The following TRPM3 variants were observed in gnomAD, a reference collection of about 807,000 sequenced individuals.
The protein encoded by TRPM3 is transient receptor potential cation channel subfamily M member 3.
TRPM3 carries 77 observed loss-of-function variants against 181.2 expected under a neutral mutation model. That is an observed-to-expected ratio of 0.42 (90% CI 0.35 to 0.51). The LOEUF is 0.51. TRPM3 is among the 20% of genes least tolerant of loss of function. The probability of loss-of-function intolerance (pLI) is 0.01; values close to 1 mark genes in which losing one functional copy is unlikely to be tolerated. For missense variants in TRPM3, 1,759 were observed against 2,196.7 expected, an observed-to-expected ratio of 0.80 and a Z score of 3.98; for synonymous variants, 745 against 796.4, an observed-to-expected ratio of 0.94 and a Z score of 1.09.
chr9:71,017,392 G>A (rs2134450723), intron 1 of TRPM3, among the ~76,000 whole-genome samples: 1 of 151,886 alleles, frequency 6.6e-6, no homozygotes, highest in African/African-American at 2.4e-5. Context: ...ACCAATATTG[G>A]CATGATGGAT....
At chr9:71,368,421 C>A (rs1446634099) in intron 1 of TRPM3, among the ~76,000 whole-genome samples, 6 of 152,224 alleles carry the variant, frequency 3.9e-5, no homozygotes, top group Admixed American at 1.3e-4. Flanking sequence ...TATCTCAAGG[C>A]CTCAAGGGAG....
intron 1 of TRPM3, among the ~76,000 whole-genome samples, chr9:71,387,540 A>T (rs1244066845): frequency 2.0e-5 from 3 of 152,204 alleles, no homozygotes; most frequent in Non-Finnish European, 1.5e-5. Context: ...CTTCATGAAA[A>T]GGAATGTTAA....
chr9:71,133,797 C>T (rs1029201739), intron 1 of TRPM3, among the ~76,000 whole-genome samples: 2 of 152,148 alleles, frequency 1.3e-5, no homozygotes, highest in African/African-American at 4.8e-5. Flanking sequence ...CTTTATAGCA[C>T]ACACAGCAGA....
intron 6 of TRPM3, chr9:70,826,582 G>C (rs1265841262): frequency 6.6e-6 from 1 of 152,236 alleles, no homozygotes; most frequent in Non-Finnish European, 1.5e-5. Context: ...GGAAGGAGAA[G>C]CTGTGGTCTG....
intron 21 of TRPM3, among the ~76,000 whole-genome samples, chr9:70,592,369 C>T (rs1176915541): frequency 1.3e-5 from 2 of 152,196 alleles, no homozygotes; most frequent in Non-Finnish European, 2.9e-5. Flanking sequence ...CCTTGTGTCT[C>T]TGTAATGGGG....
intron 1 of TRPM3, among the ~76,000 whole-genome samples, chr9:71,201,308 T>G (rs13292549): frequency 0.28 from 41,991 of 151,844 alleles, 6,171 homozygotes; most frequent in Admixed American, 0.36. Context: ...CCCTTAACAT[T>G]TTTTCCTTCA....
At chr9:71,170,767 T>C (rs559655461) in intron 1 of TRPM3, among the ~76,000 whole-genome samples, 58 of 152,256 alleles carry the variant, frequency 3.8e-4, no homozygotes, top group Admixed American at 1.3e-3. Flanking sequence ...CCTGTAATAA[T>C]TGCATTAACT....
rs764869085 is a variant in TRPM3, at chr9:70,603,386, C to T, written c.2752G>A (p.Val918Ile). ...CCCAGGGTGAAAATATAGGAGATTA[C>T]GATCCATTCCTGGGTGGACGGCCAG... ...ERWPSTQEWI[V>I]ISYIFTLGIE... The change falls in exon 20 of 26, where the codon GTA becomes ATA. Residue 918 changes from valine (V) to isoleucine (I), a missense_variant. Val to Ile is a conservative substitution (Grantham distance 29, BLOSUM62 3). This residue lies in a region of TRPM3 where 100 missense variants were observed against 123.0 expected (regional missense o/e 0.81). Transcript: ENST00000677713. 5.3e-5 allele frequency: 85 copies of T among 1,613,884 alleles called. No individual in the cohort carries two copies. Among genetic ancestry groups the T allele is most frequent in the South Asian group, 3.6e-4 (33 of 91,054 alleles).
chr9:70,912,245 G>A (rs570800084), intron 1 of TRPM3, among the ~76,000 whole-genome samples: 12 of 152,246 alleles, frequency 7.9e-5, no homozygotes, highest in South Asian at 2.1e-4. Context: ...TAGTGTTCCA[G>A]GCACTTTATA....
At chr9:71,068,347 A>G (rs1228827756) in intron 1 of TRPM3, among the ~76,000 whole-genome samples, 1 of 152,214 alleles carries the variant, frequency 6.6e-6, no homozygotes, top group Non-Finnish European at 1.5e-5. Flanking sequence ...CAAAGGAACA[A>G]GAGATACTCT....
At chr9:71,117,907 C>T (rs190114357) in intron 1 of TRPM3, among the ~76,000 whole-genome samples, 2 of 152,268 alleles carry the variant, frequency 1.3e-5, no homozygotes, top group Admixed American at 1.3e-4. Flanking sequence ...GACTTCAATA[C>T]ACAGAAAGCT....
intron 1 of TRPM3, among the ~76,000 whole-genome samples, chr9:71,099,690 T>G (rs949537950): frequency 2.0e-5 from 3 of 152,210 alleles, no homozygotes; most frequent in African/African-American, 7.2e-5. Context: ...ATACAACTTA[T>G]GCTCAACCTG....
rs190128409 is a variant in TRPM3, at chr9:71,036,347, A to C, written c.177+84831T>G. On this transcript the variant is annotated intron_variant, in intron 1 of 25. Transcript: ENST00000677713. ...TGCAGCATGAACCTCCAGGTCACCT[A>C]TGTCTGTAAATTCTGCCTCTTCAAT... 8.5e-5 allele frequency among the ~76,000 whole-genome samples: 13 copies of C among 152,294 alleles called. No homozygotes were observed. The East Asian group carries it at 2.5e-3, about 29-fold the overall frequency.
intron 1 of TRPM3, among the ~76,000 whole-genome samples, chr9:71,240,542 A>G (rs780631905): frequency 1.3e-5 from 2 of 152,336 alleles, no homozygotes; most frequent in South Asian, 2.1e-4. Context: ...ATCCAAGTCT[A>G]TATTAACTCT....
chr9:70,995,098 C>CTG lies in TRPM3; in HGVS notation c.177+126078_177+126079dup, dbSNP rs200104541. ...CCGTGTCTTCTCTCTCTGGGTGTGT[C>CTG]TGTGTGTGTGTGTGTGCATGTAATC... On this transcript the variant is annotated intron_variant, in intron 1 of 25. Transcript: ENST00000677713. Among the ~76,000 whole-genome samples, 946 of 151,126 alleles carry CTG rather than the reference C, an allele frequency of 6.3e-3. 18 individuals are homozygous for CTG. In the East Asian group the frequency reaches 0.078, roughly 12 times the overall value.
chr9:70,564,747 T>C (rs2050107985), intron 22 of TRPM3, among the ~76,000 whole-genome samples: 2 of 152,192 alleles, frequency 1.3e-5, no homozygotes, highest in Admixed American at 1.3e-4. Flanking sequence ...AAATAATCTA[T>C]GGCTCTTGTC....
intron 1 of TRPM3, among the ~76,000 whole-genome samples, chr9:71,411,327 A>G (rs957571559): frequency 3.9e-5 from 6 of 152,244 alleles, no homozygotes; most frequent in Admixed American, 1.3e-4. Flanking sequence ...CTGTTTGCAG[A>G]TGACATGATT....
intron 1 of TRPM3, among the ~76,000 whole-genome samples, chr9:71,049,220 G>A (rs937656735): frequency 2.6e-5 from 4 of 151,830 alleles, no homozygotes; most frequent in South Asian, 2.1e-4. Context: ...GGCACAACCC[G>A]ACTCCCTCAC....
At chr9:71,103,147 A>G (rs931049410) in intron 1 of TRPM3, among the ~76,000 whole-genome samples, 15 of 152,224 alleles carry the variant, frequency 9.9e-5, no homozygotes, top group African/African-American at 3.6e-4. Flanking sequence ...GTCATTTTAA[A>G]AGGCCCATCC....
Sources: allele counts gnomAD v4.1 joint callset (sites outside exome capture counted in the v4.1 genomes callset), GRCh38; gene constraint gnomAD v4.1.1; regional missense constraint gnomAD v4.1.1; transcripts MANE v1.5; gene names NCBI Gene and HGNC (gene_info 2026-07-23, HGNC 2026-07-21).